Variants in DHRS9 observed in about 807,000 individuals in gnomAD.
The protein encoded by DHRS9 is dehydrogenase/reductase 9, also known as dehydrogenase/reductase SDR family member 9.
A neutral mutation model predicts 26.6 loss-of-function variants in DHRS9; 18 were observed. The observed-to-expected ratio is 0.68, with a 90% CI of 0.47 to 1.00. DHRS9 has a LOEUF of 1.00. Ranked by LOEUF, DHRS9 falls within the 50% of genes least tolerant of loss-of-function variation. The probability of loss-of-function intolerance (pLI) is 0.00; values close to 1 mark genes in which losing one functional copy is unlikely to be tolerated. For synonymous variants in DHRS9, 134 were observed against 141.1 expected (o/e 0.95, Z 0.36); for missense variants, 425 against 378.7 (o/e 1.12, Z -1.01).
intron 3 of DHRS9, among the ~76,000 whole-genome samples, chr2:169,087,257 A>G (rs1006853498): frequency 3.9e-5 from 6 of 152,026 alleles, no homozygotes; most frequent in African/African-American, 7.2e-5. Context: ...CACCATAGCT[A>G]CTACCACCTC....
At chr2:169,085,679 GGATT>G (rs375961047) in intron 3 of DHRS9, among the ~76,000 whole-genome samples, 6 of 151,940 alleles carry the variant, frequency 3.9e-5, no homozygotes, top group African/African-American at 1.4e-4. Flanking sequence ...AATCTTTTTT[GGATT>G]GTTTGCTGTT....
chr2:169,096,025 A>C lies in DHRS9; in HGVS notation c.*258A>C. 1 of 487,996 alleles carries C rather than the reference A, an allele frequency of 2.0e-6. No homozygotes were observed. The highest frequency in any genetic ancestry group is 3.7e-6 in the Non-Finnish European group (1 of 270,736). 30.2% of individuals were successfully genotyped at this position (487,996 alleles called of 1,614,324 possible). A position where few individuals can be genotyped will look rare whatever the true frequency, so the allele number is the denominator to read the frequency against. ...ATTTAGGCTTTGCCTGCTTGGTGTG[A>C]TGTAAGGGAAATTGAAAGACTTGCC... On this transcript the variant is annotated 3_prime_UTR_variant, in exon 5 of 5. Transcript: ENST00000674881.
intron 1 of DHRS9, chr2:169,070,420 A>C (rs1683764233): frequency 1.0e-6 from 1 of 985,336 alleles, no homozygotes; most frequent in Admixed American, 6.1e-5. Flanking sequence ...AATACATTTT[A>C]AAATCAACAA....
intron 1 of DHRS9, chr2:169,072,686 G>A: frequency 5.1e-6 from 5 of 982,830 alleles, no homozygotes; most frequent in Non-Finnish European, 6.0e-6. Flanking sequence ...ATTGTGCATG[G>A]TGTATGAAAG....
intron 3 of DHRS9, 69 bp from the exon 4 acceptor site, chr2:169,091,721 A>G (rs1330146798): frequency 6.8e-7 from 1 of 1,463,882 alleles, no homozygotes; most frequent in Non-Finnish European, 9.3e-7. Context: ...GTGAGAAAAT[A>G]GTCACTCAAA....
chr2:169,074,496 G>C, intron 1 of DHRS9: 1 of 974,916 alleles, frequency 1.0e-6, no homozygotes, highest in Non-Finnish European at 1.2e-6. Flanking sequence ...GAATTGTTGG[G>C]ACCAAGGGGC....
intron 4 of DHRS9, among the ~76,000 whole-genome samples, chr2:169,095,032 C>T (rs1311293809): frequency 6.6e-6 from 1 of 152,196 alleles, no homozygotes; most frequent in Non-Finnish European, 1.5e-5. Flanking sequence ...CATGCATGCA[C>T]ATACATGCAC....
At chr2:169,090,079 TAA>T (rs1684473625) in intron 3 of DHRS9, among the ~76,000 whole-genome samples, 1 of 152,178 alleles carries the variant, frequency 6.6e-6, no homozygotes, top group Admixed American at 6.5e-5. Flanking sequence ...TAGTAATCAA[TAA>T]AGAGTATTTT....
At chr2:169,071,686 T>C (rs1379296606) in intron 1 of DHRS9, among the ~76,000 whole-genome samples, 1 of 152,162 alleles carries the variant, frequency 6.6e-6, no homozygotes, top group East Asian at 1.9e-4. Flanking sequence ...CAAATGTAAC[T>C]AACCAGAGGA....
intron 1 of DHRS9, chr2:169,081,297 A>G: frequency 2.4e-6 from 2 of 838,944 alleles, no homozygotes; most frequent in Non-Finnish European, 3.3e-6. Flanking sequence ...CCTCTCTTCC[A>G]TTTAATTTCT....
chr2:169,094,671 C>T (rs1450245211), intron 4 of DHRS9, among the ~76,000 whole-genome samples: 1 of 151,144 alleles, frequency 6.6e-6, no homozygotes, highest in Admixed American at 6.6e-5. Context: ...TGTGAGCCAC[C>T]ATGCCAGGCC....
At chr2:169,067,220 C>T (rs887562758), upstream of DHRS9, 1 of 1,535,460 alleles carries the variant, frequency 6.5e-7, no homozygotes, top group Non-Finnish European at 8.7e-7. Context: ...ACAAGAGTGA[C>T]ACTGGATATA....
chr2:169,082,189 C>T (rs999941615), intron 2 of DHRS9, among the ~76,000 whole-genome samples: 2 of 152,120 alleles, frequency 1.3e-5, no homozygotes, highest in Non-Finnish European at 2.9e-5. Context: ...GCTATTCTCC[C>T]CTGCCCCATA....
chr2:169,070,298 T>C, intron 1 of DHRS9: 1 of 985,432 alleles, frequency 1.0e-6, no homozygotes, highest in Non-Finnish European at 1.2e-6. Context: ...GTGGCAGCAA[T>C]AAGCCTGCTT....
chr2:169,073,327 C>T (rs1413145816), intron 1 of DHRS9, among the ~76,000 whole-genome samples: 1 of 152,176 alleles, frequency 6.6e-6, no homozygotes, highest in Non-Finnish European at 1.5e-5. Context: ...TGTGTTTCCT[C>T]CTCTATACAG....
At position 169,083,588 on chromosome 2, in the gene DHRS9, G is replaced by A. The variant is rs201588553; in HGVS notation, c.572+1G>A. On this transcript the variant is annotated splice_donor_variant, in intron 3 of 4. Transcript: ENST00000674881. LOFTEE classifies it high-confidence loss of function. Reference sequence around the variant, plus strand: ...TGGAAGGTTTCAATGACAGCTTAAGGTAAATCAAATTAATCAACTTATTAG... The same window carrying A: ...TGGAAGGTTTCAATGACAGCTTAAGATAAATCAAATTAATCAACTTATTAG... 6.2e-7 allele frequency: 1 copy of A among 1,612,558 alleles called. No individual in the cohort carries two copies. Among genetic ancestry groups the A allele is most frequent in the East Asian group, 2.2e-5 (1 of 44,808 alleles).
rs571272571 is a variant in DHRS9, at chr2:169,091,803, G to A, written c.586G>A (p.Ala196Thr). The A allele has an allele frequency of 1.1e-5, 17 of 1,610,654 alleles. No individual in the cohort carries two copies. In the East Asian group the frequency reaches 3.1e-4, roughly 30 times the overall value. ...TTCTTTTCACAGACGGGACATGAAAGCTTTTGGTGTGCACGTCTCATGCAT... is the reference window on the plus strand; with the variant it reads ...TTCTTTTCACAGACGGGACATGAAAACTTTTGGTGTGCACGTCTCATGCAT... Reference protein sequence around the residue: ...FNDSLRRDMKAFGVHVSCIEP... With the variant: ...FNDSLRRDMKTFGVHVSCIEP... The change falls in exon 4 of 5, where the codon GCT (alanine) becomes ACT (threonine). Residue 196 changes from alanine (A) to threonine (T), a missense_variant. Transcript: ENST00000674881.
chr2:169,079,894 A>AGAGAGGGAGGGAGG (rs1558951396), intron 1 of DHRS9, among the ~76,000 whole-genome samples: 2 of 86,278 alleles, frequency 2.3e-5, no homozygotes, highest in African/African-American at 6.3e-5. Context: ...AGAGAGAGAG[A>AGAGAGGGAGGGAGG]GAGGGAGGGA....
chr2:169,086,470 C>T (rs112059218), intron 3 of DHRS9, among the ~76,000 whole-genome samples: 45 of 151,404 alleles, frequency 3.0e-4, no homozygotes, highest in African/African-American at 1.1e-3. Context: ...CTCTGTCTCA[C>T]CAGGATTGGT....
Sources: gnomAD v4.1 joint callset for allele counts (sites outside exome capture counted in the v4.1 genomes callset) on GRCh38, gnomAD v4.1.1 for gene constraint, MANE v1.5 for transcripts, NCBI Gene and HGNC (gene_info 2026-07-23, HGNC 2026-07-21) for gene names.